The following JAK2 variants were observed in gnomAD, a reference collection of about 807,000 sequenced individuals.
The protein encoded by JAK2 is tyrosine-protein kinase JAK2.
JAK2 carries 86 observed loss-of-function variants against 139.3 expected under a neutral mutation model. That is an observed-to-expected ratio of 0.62 (90% CI 0.52 to 0.74). The LOEUF (loss-of-function observed/expected upper bound fraction) is 0.74. Among genes scored for constraint, JAK2 ranks in the 30% least tolerant of loss-of-function variants. The pLI is 0.00. For missense variants in JAK2, 1,421 were observed against 1,360.3 expected, an observed-to-expected ratio of 1.04 and a Z score of -0.70; for synonymous variants, 490 against 437.7, an observed-to-expected ratio of 1.12 and a Z score of -1.49.
chr9:5,019,551 A>G (rs532644214), intron 2 of JAK2, among the ~76,000 whole-genome samples: 1 of 152,054 alleles, frequency 6.6e-6, no homozygotes, highest in Non-Finnish European at 1.5e-5. Flanking sequence ...TTGCATTGGA[A>G]TCTTTTGGTA....
At chr9:5,028,355 C>T (rs1035037588) in intron 3 of JAK2, among the ~76,000 whole-genome samples, 3 of 152,182 alleles carry the variant, frequency 2.0e-5, no homozygotes, top group South Asian at 2.1e-4. Context: ...CAGTAAACCA[C>T]GCTATATACA....
chr9:4,998,689 C>CTTA (rs1200659715), intron 2 of JAK2, among the ~76,000 whole-genome samples: 5 of 151,442 alleles, frequency 3.3e-5, no homozygotes, highest in African/African-American at 1.2e-4. Context: ...CATCATTAAG[C>CTTA]ATGATTCTAA....
Position 5,084,114 on chromosome 9 carries a change from A to G in JAK2, c.2571+2253A>G, listed in dbSNP as rs564403156. Among the ~76,000 whole-genome samples the G allele has an allele frequency of 1.5e-4, 23 of 152,184 alleles. 1 individual carries two copies. The highest frequency in any genetic ancestry group is 1.1e-3 in the Admixed American group (17 of 15,288). On this transcript the variant is annotated intron_variant, in intron 19 of 24. Transcript: ENST00000381652. ...CCGTGAGCTTAAAATTCTTTTAAAC[A>G]TAAGTAAATTGAAGAGACTCTAAGG...
intron 2 of JAK2, among the ~76,000 whole-genome samples, chr9:4,996,588 G>A (rs1046054859): frequency 6.6e-6 from 1 of 151,526 alleles, no homozygotes; most frequent in South Asian, 2.1e-4. Context: ...GGAGGGGCGG[G>A]GGTGATGTGA....
At chr9:5,114,504 G>C (rs143696294) in intron 22 of JAK2, 8 of 470,616 alleles carry the variant, frequency 1.7e-5, no homozygotes, top group African/African-American at 9.9e-5. Context: ...ACAGGTCTAC[G>C]TGTTTGCAAC....
At chr9:5,076,496 C>A (rs1819316784) in intron 14 of JAK2, among the ~76,000 whole-genome samples, 1 of 151,906 alleles carries the variant, frequency 6.6e-6, no homozygotes, top group South Asian at 2.1e-4. Context: ...CCTTTTTTGG[C>A]AATAAAGTAT....
upstream of JAK2, chr9:4,984,881 G>T (rs1024378110): frequency 6.6e-6 from 1 of 152,404 alleles, no homozygotes; most frequent in Non-Finnish European, 1.5e-5. Flanking sequence ...AGCGTTTCGC[G>T]AGGCGCCGCC....
rs763504207 is a variant in JAK2, at chr9:5,070,051, T to G, written c.1640T>G (p.Phe547Cys). 7.5e-6 allele frequency: 12 copies of G among 1,596,878 alleles called. No individual in the cohort carries two copies. The highest frequency in any genetic ancestry group is 6.8e-5 in the South Asian group (6 of 88,398). ...AAAATCAGAAATGAAGATTTGATATTTGTAAGTCATTAGATACTCATTACT... is the reference window on the plus strand; with the variant it reads ...AAAATCAGAAATGAAGATTTGATATGTGTAAGTCATTAGATACTCATTACT... ...FHKIRNEDLI[F>C]NESLGQGTFT... Residue 547 changes from phenylalanine (F) to cysteine (C), a missense_variant and splice_region_variant, in exon 12 of 25, where the codon TTT becomes TGT. Physicochemically the swap from Phe to Cys is radical, Grantham distance 205. Transcript: ENST00000381652.
At chr9:5,030,661 A>C (rs917467893) in intron 4 of JAK2, among the ~76,000 whole-genome samples, 3 of 152,038 alleles carry the variant, frequency 2.0e-5, no homozygotes, top group Admixed American at 2.0e-4. Context: ...CCTCTTAATC[A>C]CCTCATGTGT....
At position 4,997,952 on chromosome 9, in the gene JAK2, TTAAA is replaced by T. The variant is rs371465224; in HGVS notation, c.-26+11934_-26+11937del. ...TAATCTGAATGCATTATGATAATCT[TTAAA>T]TAATTATTTCAGAGGAATATCTGAA... On this transcript the variant is annotated intron_variant, in intron 2 of 24. Transcript: ENST00000381652. Among the ~76,000 whole-genome samples the T allele has an allele frequency of 5.5e-4, 84 of 152,304 alleles. 1 individual carries two copies. The South Asian group carries it at 0.017, about 30-fold the overall frequency.
At chr9:5,010,176 CCTTTT>C (rs1311029876) in intron 2 of JAK2, among the ~76,000 whole-genome samples, 3 of 152,148 alleles carry the variant, frequency 2.0e-5, no homozygotes, top group Non-Finnish European at 4.4e-5. Flanking sequence ...GCTGATAGCA[CCTTTT>C]CTTATTTGTC....
At chr9:5,037,663 C>T (rs1469778070) in intron 4 of JAK2, among the ~76,000 whole-genome samples, 8 of 152,186 alleles carry the variant, frequency 5.3e-5, no homozygotes, top group African/African-American at 1.9e-4. Context: ...ACAATGAGAA[C>T]ACATGGACAC....
chr9:5,084,090 C>T (rs182816548), intron 19 of JAK2, among the ~76,000 whole-genome samples: 2 of 151,986 alleles, frequency 1.3e-5, no homozygotes, highest in East Asian at 1.9e-4. Context: ...TCCATAGTTC[C>T]GTGAGCTTAA....
At chr9:5,042,354 G>A (rs1816646528) in intron 4 of JAK2, among the ~76,000 whole-genome samples, 1 of 150,710 alleles carries the variant, frequency 6.6e-6, no homozygotes, top group African/African-American at 2.4e-5. Flanking sequence ...AGCCAGGATG[G>A]TCTCGATCTC....
intron 22 of JAK2, among the ~76,000 whole-genome samples, chr9:5,092,232 C>T (rs1820639451): frequency 6.6e-6 from 1 of 152,094 alleles, no homozygotes; most frequent in Admixed American, 6.6e-5. Flanking sequence ...GAGGATTTAG[C>T]AGTAAACCAA....
intron 22 of JAK2, among the ~76,000 whole-genome samples, chr9:5,103,001 A>G (rs982216526): frequency 1.8e-4 from 27 of 152,068 alleles, no homozygotes; most frequent in South Asian, 4.2e-4. Flanking sequence ...GGGCAAAATA[A>G]CCAGCTAACA....
At chr9:5,085,822 G>A in intron 19 of JAK2, 1 of 759,572 alleles carries the variant, frequency 1.3e-6, no homozygotes, top group Non-Finnish European at 2.5e-6. Flanking sequence ...ATAATTGATC[G>A]AAAGGCTTTT....
intron 3 of JAK2, among the ~76,000 whole-genome samples, chr9:5,025,488 C>T (rs996602757): frequency 6.7e-6 from 1 of 150,150 alleles, no homozygotes; most frequent in Non-Finnish European, 1.5e-5. Context: ...CTCTTTCTTG[C>T]TCCTTCTTTC....
intron 19 of JAK2, among the ~76,000 whole-genome samples, chr9:5,083,744 A>G (rs1819878680): frequency 6.6e-6 from 1 of 151,156 alleles, no homozygotes; most frequent in Admixed American, 6.6e-5. Context: ...GATTAACAAA[A>G]GGGAAACAGC....
Sources: gnomAD v4.1 joint callset for allele counts (sites outside exome capture counted in the v4.1 genomes callset) on GRCh38, gnomAD v4.1.1 for gene constraint, MANE v1.5 for transcripts, NCBI Gene and HGNC (gene_info 2026-07-23, HGNC 2026-07-21) for gene names.